LIPI: variants seen among roughly 807,000 people sequenced by gnomAD.
LIPI encodes lipase I.
Under a neutral mutation model 50.6 loss-of-function variants are expected in LIPI, and 59 were observed. The observed-to-expected ratio is 1.16, with a 90% CI of 0.94 to 1.45. The LOEUF is 1.45. LIPI is among the 40% of genes most tolerant of loss of function. The pLI is 0.00. For synonymous variants in LIPI, 203 were observed against 178.2 expected, an observed-to-expected ratio of 1.14 and a Z score of -1.11; for missense variants, 586 against 536.3, an observed-to-expected ratio of 1.09 and a Z score of -0.92.
intron 4 of LIPI, among the ~76,000 whole-genome samples, chr21:14,180,883 A>G (rs2019247349): frequency 6.6e-6 from 1 of 152,198 alleles, no homozygotes; most frequent in South Asian, 2.1e-4. Context: ...TCAGAGGAGC[A>G]ATCTTAGTGT....
At chr21:14,171,581 T>C (rs1336338178) in intron 4 of LIPI, among the ~76,000 whole-genome samples, 7 of 150,730 alleles carry the variant, frequency 4.6e-5, no homozygotes, top group East Asian at 2.0e-4. Flanking sequence ...AACTATCTGA[T>C]CTTTGACAAA....
intron 4 of LIPI, among the ~76,000 whole-genome samples, chr21:14,166,916 C>T (rs1299392605): frequency 6.6e-6 from 1 of 152,202 alleles, no homozygotes; most frequent in Non-Finnish European, 1.5e-5. Flanking sequence ...GAGGCATTAC[C>T]TTACTCGGGA....
In LIPI at chr21:14,161,807, G is replaced by GTATAATATATACATTAATATATATTAATA. The variant is rs2018498725; in HGVS notation, c.1006+1611_1006+1612insTATTAATATATATTAATGTATATATTATA. On this transcript the variant is annotated intron_variant, in intron 7 of 9. Transcript: ENST00000681601. ...AATATATACATTATTATATATTAAT[G>GTATAATATATACATTAATATATATTAATA]TATAATATATACAAATATATATTAA... 1.3e-4 allele frequency among the ~76,000 whole-genome samples: 4 copies of GTATAATATATACATTAATATATATTAATA among 31,932 alleles called. 1 individual carries two copies. In the South Asian group the frequency reaches 3.4e-3, roughly 27 times the overall value. 20.9% of individuals were successfully genotyped at this position (31,932 alleles called of 152,430 possible).
intron 9 of LIPI, among the ~76,000 whole-genome samples, chr21:14,141,651 T>A (rs2017713608): frequency 6.6e-6 from 1 of 152,208 alleles, no homozygotes; most frequent in Admixed American, 6.6e-5. Flanking sequence ...GTTGTGTTTT[T>A]CTTGTCCACT....
chr21:14,163,809 T>C (rs907973517), intron 6 of LIPI, among the ~76,000 whole-genome samples: 1 of 151,970 alleles, frequency 6.6e-6, no homozygotes. Context: ...GAAGTTTTAC[T>C]GTTATAAATT....
intron 9 of LIPI, among the ~76,000 whole-genome samples, chr21:14,121,895 G>A (rs1165011828): frequency 6.6e-6 from 1 of 152,204 alleles, no homozygotes; most frequent in African/African-American, 2.4e-5. Context: ...ATGCACTGAT[G>A]AAGCTTGAGG....
intron 9 of LIPI, among the ~76,000 whole-genome samples, chr21:14,119,431 G>A (rs2016779888): frequency 6.6e-6 from 1 of 152,188 alleles, no homozygotes; most frequent in Admixed American, 6.5e-5. Flanking sequence ...AGGGCAGCAT[G>A]AGCTTGGGTG....
At chr21:14,185,427 T>C (rs147780026) in intron 3 of LIPI, among the ~76,000 whole-genome samples, 1 of 152,370 alleles carries the variant, frequency 6.6e-6, no homozygotes, top group African/African-American at 2.4e-5. Flanking sequence ...CAGGAATAGA[T>C]GTTTTTCTCC....
intron 1 of LIPI, chr21:14,206,793 A>C: frequency 7.3e-7 from 1 of 1,368,276 alleles, no homozygotes; most frequent in Non-Finnish European, 1.0e-6. Context: ...TATATGAAGA[A>C]AGTGAAGTTA....
chr21:14,180,704 C>G (rs1447269424), intron 4 of LIPI, among the ~76,000 whole-genome samples: 1 of 152,198 alleles, frequency 6.6e-6, no homozygotes, highest in African/African-American at 2.4e-5. Context: ...TTGGTTTTGA[C>G]TGCTTATAGA....
intron 1 of LIPI, among the ~76,000 whole-genome samples, chr21:14,199,450 T>C (rs914986802): frequency 1.3e-5 from 2 of 151,640 alleles, no homozygotes; most frequent in African/African-American, 2.4e-5. Context: ...CCAGAGAATA[T>C]TATGGACACT....
At position 14,166,520 on chromosome 21, in the gene LIPI, T is replaced by G. The variant is rs943915812; in HGVS notation, c.644-69A>C. The G allele has an allele frequency of 1.7e-5, 14 of 824,088 alleles. No homozygotes were observed. The African/African-American group carries it at 2.4e-4, about 14-fold the overall frequency. The allele number at this position is 824,088 out of a possible 1,614,324, so 51.0% of individuals were successfully genotyped here. On this transcript the variant is annotated intron_variant, in intron 4 of 9. Coordinates refer to ENST00000681601, the MANE Select transcript of LIPI (RefSeq NM_001302998.2). ...GGTGAGTATCTTGCATAAAACAAAA[T>G]AGCCTATAAAATCCATTGAAAGTTA...
At chr21:14,122,667 A>G (rs1048219108) in intron 9 of LIPI, among the ~76,000 whole-genome samples, 7 of 152,156 alleles carry the variant, frequency 4.6e-5, no homozygotes, top group African/African-American at 1.7e-4. Context: ...ACACCTATAT[A>G]CAGGGGGAGT....
intron 9 of LIPI, among the ~76,000 whole-genome samples, chr21:14,141,411 C>T (rs1171024736): frequency 6.7e-6 from 1 of 150,056 alleles, no homozygotes; most frequent in East Asian, 1.9e-4. Flanking sequence ...ACTCAGCCAA[C>T]CTTCTTTTAA....
intron 4 of LIPI, among the ~76,000 whole-genome samples, chr21:14,169,783 C>G (rs1472254116): frequency 2.0e-5 from 3 of 152,078 alleles, no homozygotes; most frequent in Non-Finnish European, 2.9e-5. Context: ...AATTGACACC[C>G]TAACATCACA....
intron 9 of LIPI, among the ~76,000 whole-genome samples, chr21:14,109,456 A>T (rs2016318405): frequency 6.6e-6 from 1 of 152,078 alleles, no homozygotes; most frequent in Non-Finnish European, 1.5e-5. Context: ...AATCACATAG[A>T]CAAAGTTTGC....
At chr21:14,152,190 T>A (rs1211323520) in intron 8 of LIPI, among the ~76,000 whole-genome samples, 1 of 152,016 alleles carries the variant, frequency 6.6e-6, no homozygotes, top group Non-Finnish European at 1.5e-5. Context: ...AACCTCCACC[T>A]CCTGGGTTCA....
chr21:14,145,782 G>T (rs2822433), intron 8 of LIPI, among the ~76,000 whole-genome samples: 48,339 of 151,940 alleles, frequency 0.32, 7,943 homozygotes, highest in Middle Eastern at 0.4. Context: ...TTAATCAAAG[G>T]TGACAATCAC....
At position 14,165,268 on chromosome 21, in the gene LIPI, A is replaced by G. The variant is rs61740029; in HGVS notation, c.856T>C (p.Cys286Arg). 15,451 of 1,612,988 alleles carry G rather than the reference A, an allele frequency of 9.6e-3. 107 individuals carry two copies. Among genetic ancestry groups the G allele is most frequent in the Non-Finnish European group, 0.012 (13,914 of 1,179,138 alleles). Residue 286 changes from cysteine to arginine, a missense_variant, in exon 6 of 10, where the codon TGT becomes CGT. Transcript: ENST00000681601. ...TCCTTAAAACAGTCACAGTCCACAC[A>G]TAAGCTAGTCTTGTAATCTTTGTAT... ...RSYKDYKTSL[C>R]VDCDCFKEKS...
Sources: allele counts gnomAD v4.1 joint callset (sites outside exome capture counted in the v4.1 genomes callset), GRCh38; gene constraint gnomAD v4.1.1; transcripts MANE v1.5; gene names NCBI Gene and HGNC (gene_info 2026-07-23, HGNC 2026-07-21).